The following MPPED2 variants were observed in gnomAD, a reference collection of about 807,000 sequenced individuals.
MPPED2 encodes metallophosphoesterase domain containing 2.
In MPPED2, 5 loss-of-function variants were observed where a neutral mutation model predicts 33.0. The ratio of observed to expected loss-of-function variants is 0.15; its 90% confidence interval spans 0.08 to 0.32. The LOEUF is 0.32. Ranked by LOEUF, MPPED2 falls within the 10% of genes least tolerant of loss-of-function variation. The pLI, the probability that MPPED2 is intolerant of heterozygous loss-of-function variation, is 1.00. For synonymous variants in MPPED2, 136 were observed against 141.9 expected, an observed-to-expected ratio of 0.96 and a Z score of 0.29; for missense variants, 275 against 372.1, an observed-to-expected ratio of 0.74 and a Z score of 2.15.
intron 2 of MPPED2, among the ~76,000 whole-genome samples, chr11:30,542,035 A>T (rs891850636): frequency 6.6e-6 from 1 of 152,252 alleles, no homozygotes; most frequent in Non-Finnish European, 1.5e-5. Context: ...AAGACAAGTA[A>T]AACCTGCCAG....
At chr11:30,398,890 G>T (rs143755495) in intron 6 of MPPED2, among the ~76,000 whole-genome samples, 1 of 152,152 alleles carries the variant, frequency 6.6e-6, no homozygotes, top group South Asian at 2.1e-4. Flanking sequence ...GTTAATTTTG[G>T]TTGATGATAA....
intron 2 of MPPED2, among the ~76,000 whole-genome samples, chr11:30,565,461 G>A (rs1239701585): frequency 2.0e-5 from 3 of 152,030 alleles, no homozygotes; most frequent in Admixed American, 2.0e-4. Context: ...AGCCCTACAG[G>A]TACTTATCAA....
At chr11:30,530,243 GAAGGATTAGGCACTATACATACAT>G (rs1469764078) in intron 3 of MPPED2, among the ~76,000 whole-genome samples, 4 of 152,214 alleles carry the variant, frequency 2.6e-5, no homozygotes, top group Non-Finnish European at 5.9e-5. Context: ...GAAGGGGAGG[GAAGGATTAGGCACTATACATACAT>G]AATTTTAAAG....
At position 30,586,303 on chromosome 11, in the gene MPPED2, A is replaced by C. The variant is rs1314536703; in HGVS notation, c.-383T>G. Reference sequence around the variant, plus strand: ...TGGGGAGAGAGCGAGCGAGGGGGCGAGGAGAGGGAGCGAGGGCGCGGCGAG... The same window carrying C: ...TGGGGAGAGAGCGAGCGAGGGGGCGCGGAGAGGGAGCGAGGGCGCGGCGAG... On this transcript the variant is annotated 5_prime_UTR_variant, in exon 1 of 7. Transcript: ENST00000358117. This position sits in a 1 kb window ranked among gnomAD's most constrained non-coding sequence, Gnocchi z 4.8. 1 of 153,764 alleles carries C rather than the reference A, an allele frequency of 6.5e-6. No individual in the cohort carries two copies. Among genetic ancestry groups the C allele is most frequent in the Non-Finnish European group, 1.4e-5 (1 of 69,536 alleles). The allele number at this position is 153,764 out of a possible 1,614,324, so 9.5% of individuals were successfully genotyped here.
At chr11:30,561,576 T>A (rs1232753669) in intron 2 of MPPED2, among the ~76,000 whole-genome samples, 1 of 152,168 alleles carries the variant, frequency 6.6e-6, no homozygotes, top group African/African-American at 2.4e-5. Context: ...GCCAACATCC[T>A]AGGAGTCTGG....
intron 6 of MPPED2, among the ~76,000 whole-genome samples, chr11:30,404,475 G>A (rs902112319): frequency 1.3e-5 from 2 of 152,214 alleles, no homozygotes; most frequent in African/African-American, 2.4e-5. Context: ...CACTGGCCAT[G>A]TGGGTTTTTC....
intron 5 of MPPED2, among the ~76,000 whole-genome samples, chr11:30,416,616 TA>T (rs1948371140): frequency 6.6e-6 from 1 of 152,142 alleles, no homozygotes; most frequent in Admixed American, 6.5e-5. Flanking sequence ...AAAAATGTGT[TA>T]AAAGGGTAGA....
At chr11:30,389,808 C>A (rs1203918897) in intron 6 of MPPED2, among the ~76,000 whole-genome samples, 1 of 152,094 alleles carries the variant, frequency 6.6e-6, no homozygotes, top group Non-Finnish European at 1.5e-5. Flanking sequence ...GATAGGGAGC[C>A]CTTAGTTTTT....
chr11:30,388,502 C>A (rs1289378062), exon 7 of MPPED2: 1 of 159,262 alleles, frequency 6.3e-6, no homozygotes, highest in Non-Finnish European at 1.4e-5. Flanking sequence ...AGAGAAGGAG[C>A]AGGAGGGACT....
intron 4 of MPPED2, among the ~76,000 whole-genome samples, chr11:30,476,949 A>T (rs1408303784): frequency 1.3e-5 from 2 of 152,036 alleles, no homozygotes; most frequent in Non-Finnish European, 2.9e-5. Context: ...ATCTTTTGTT[A>T]TATTTGCTCC....
chr11:30,575,701 C>T (rs1956899831), intron 2 of MPPED2, among the ~76,000 whole-genome samples: 1 of 152,190 alleles, frequency 6.6e-6, no homozygotes, highest in Non-Finnish European at 1.5e-5. Context: ...AGGTCCAGCT[C>T]ATGTGGAGGA....
At chr11:30,528,107 AC>A (rs1954303640) in intron 3 of MPPED2, among the ~76,000 whole-genome samples, 1 of 151,174 alleles carries the variant, frequency 6.6e-6, no homozygotes, top group Non-Finnish European at 1.5e-5. Context: ...CATGCTTGTA[AC>A]CTAATACCAC....
rs147295169 is a variant in MPPED2, at chr11:30,387,991, T to A, written c.*898A>T. On this transcript the variant is annotated 3_prime_UTR_variant, in exon 7 of 7. Coordinates refer to the MPPED2 transcript ENST00000448418. ...GTGCCCAGCTGGAAGCCGCCCGTAA[T>A]TTAATAATCGCAGATGGAGACTGAG... The A allele has an allele frequency of 9.9e-5, 15 of 152,192 alleles. No individual in the cohort carries two copies. The East Asian group carries it at 2.5e-3, about 26-fold the overall frequency. The allele number at this position is 152,192 out of a possible 1,614,324, so 9.4% of individuals were successfully genotyped here.
rs549563264 is a variant in MPPED2, at chr11:30,506,316, T to A, written c.311-10795A>T. Among the ~76,000 whole-genome samples, 32 of 152,336 alleles carry A rather than the reference T, an allele frequency of 2.1e-4. 1 individual carries two copies. In the South Asian group the frequency reaches 6.6e-3, roughly 32 times the overall value. The stretch of plus-strand genomic sequence containing the variant: ...GCCTCAGCCTCCCAAAGTGCTGGGA[T>A]TACAGGCATGAGCCATCGTGCCTGG... On this transcript the variant is annotated intron_variant, in intron 3 of 6. Transcript: ENST00000358117.
At chr11:30,445,265 A>G (rs1263533710) in intron 4 of MPPED2, among the ~76,000 whole-genome samples, 1 of 152,210 alleles carries the variant, frequency 6.6e-6, no homozygotes, top group Non-Finnish European at 1.5e-5. Context: ...ACCCTCTCTT[A>G]TAAATGGAAA....
chr11:30,582,217 GA>G (rs1254946175), intron 1 of MPPED2, among the ~76,000 whole-genome samples: 1 of 152,134 alleles, frequency 6.6e-6, no homozygotes, highest in Non-Finnish European at 1.5e-5. Context: ...AGACACTACT[GA>G]AGCGCAAAAC....
At chr11:30,498,767 T>C (rs769502588) in intron 3 of MPPED2, among the ~76,000 whole-genome samples, 1 of 152,218 alleles carries the variant, frequency 6.6e-6, no homozygotes, top group Non-Finnish European at 1.5e-5. Flanking sequence ...GCTTCCTTTT[T>C]TCTATCTTTA....
chr11:30,582,244 C>T (rs78016792), intron 1 of MPPED2, among the ~76,000 whole-genome samples: 3 of 151,942 alleles, frequency 2.0e-5, no homozygotes, highest in Non-Finnish European at 4.4e-5. Context: ...AATTGCGTCG[C>T]GCTGAAAAGT....
At chr11:30,444,599 A>C (rs181853511) in intron 4 of MPPED2, among the ~76,000 whole-genome samples, 299 of 152,312 alleles carry the variant, frequency 2.0e-3, no homozygotes, top group Admixed American at 6.5e-3. Flanking sequence ...ATTTCAAATA[A>C]TGTTACAAGT....
Sources: gnomAD v4.1 joint callset for allele counts (sites outside exome capture counted in the v4.1 genomes callset) on GRCh38, gnomAD v4.1.1 for gene constraint, Gnocchi (gnomAD v3.1) non-coding constraint, MANE v1.5 for transcripts, NCBI Gene and HGNC (gene_info 2026-07-23, HGNC 2026-07-21) for gene names.